The following HGD variants were observed in gnomAD, a reference collection of about 807,000 sequenced individuals.
The protein encoded by HGD is homogentisate oxidase.
A neutral mutation model predicts 60.8 loss-of-function variants in HGD; 61 were observed. The ratio of observed to expected loss-of-function variants is 1.00; its 90% CI spans 0.82 to 1.24. HGD has a LOEUF of 1.24. Ranked by LOEUF, HGD falls within the 50% of genes most tolerant of loss-of-function variation. HGD has a pLI of 0.00. For missense variants in HGD, 542 were observed against 547.1 expected (o/e 0.99, Z 0.09); for synonymous variants, 212 against 187.7 (o/e 1.13, Z -1.06).
chr3:120,670,925 G>T (rs1391705207), intron 3 of HGD, among the ~76,000 whole-genome samples: 2 of 152,200 alleles, frequency 1.3e-5, no homozygotes, highest in African/African-American at 4.8e-5. Flanking sequence ...GCTCTGGAAG[G>T]CAAGAACAAT....
intron 1 of HGD, among the ~76,000 whole-genome samples, chr3:120,676,887 G>A (rs377071199): frequency 3.2e-4 from 49 of 152,296 alleles, no homozygotes; most frequent in African/African-American, 1.1e-3. Context: ...GACTCCAAAC[G>A]GAGGGATCAG....
At chr3:120,646,452 C>T in intron 8 of HGD, 86 bp from the exon 9 acceptor site, 1 of 851,688 alleles carries the variant, frequency 1.2e-6, no homozygotes, top group Non-Finnish European at 2.0e-6. Flanking sequence ...GCCCATCCCA[C>T]ATGCAAAAGT....
intron 4 of HGD, among the ~76,000 whole-genome samples, chr3:120,653,397 A>G (rs1399547066): frequency 6.6e-6 from 1 of 152,202 alleles, no homozygotes; most frequent in Non-Finnish European, 1.5e-5. Flanking sequence ...TGATAAGCCC[A>G]GCTGCCACGT....
chr3:120,671,290 AATTTT>A (rs1335869040), intron 3 of HGD, among the ~76,000 whole-genome samples: 1 of 152,172 alleles, frequency 6.6e-6, no homozygotes, highest in Non-Finnish European at 1.5e-5. Context: ...TATTATTAAA[AATTTT>A]AGTGTTTTAG....
chr3:120,672,610 G>C (rs965931322), intron 3 of HGD, among the ~76,000 whole-genome samples: 12 of 152,126 alleles, frequency 7.9e-5, no homozygotes, highest in African/African-American at 2.7e-4. Context: ...CTCAGACCTT[G>C]GTCTTACTAA....
At chr3:120,655,166 G>T (rs1234109325) in intron 4 of HGD, among the ~76,000 whole-genome samples, 1 of 152,126 alleles carries the variant, frequency 6.6e-6, no homozygotes, top group Non-Finnish European at 1.5e-5. Flanking sequence ...TCAGAGAAGG[G>T]GTTTGTCTTC....
chr3:120,635,886 A>C (rs1266369159), intron 12 of HGD, among the ~76,000 whole-genome samples: 1 of 152,052 alleles, frequency 6.6e-6, no homozygotes, highest in East Asian at 1.9e-4. Flanking sequence ...TTATTCCTCC[A>C]CCTAGGGATG....
At chr3:120,676,807 A>G (rs1340105170) in intron 1 of HGD, among the ~76,000 whole-genome samples, 1 of 152,134 alleles carries the variant, frequency 6.6e-6, no homozygotes, top group East Asian at 1.9e-4. Context: ...GCTCCTTAAG[A>G]GATATAAGAA....
intron 4 of HGD, among the ~76,000 whole-genome samples, chr3:120,667,130 G>C (rs1337250338): frequency 6.6e-6 from 1 of 151,682 alleles, no homozygotes; most frequent in African/African-American, 2.4e-5. Context: ...TTCGAGACCA[G>C]CCTGAGCAAT....
intron 9 of HGD, chr3:120,644,674 A>T: frequency 7.0e-7 from 1 of 1,434,024 alleles, no homozygotes; most frequent in East Asian, 2.7e-5. Context: ...TTGTGGAGTG[A>T]CTATGGTTAA....
chr3:120,645,335 C>T (rs1306554970), intron 9 of HGD, among the ~76,000 whole-genome samples: 1 of 152,132 alleles, frequency 6.6e-6, no homozygotes, highest in Non-Finnish European at 1.5e-5. Flanking sequence ...ATTTGGATTC[C>T]TCAGAGGAGC....
chr3:120,649,359 G>C (rs1322155513), intron 6 of HGD, among the ~76,000 whole-genome samples: 4 of 151,660 alleles, frequency 2.6e-5, no homozygotes, highest in Non-Finnish European at 5.9e-5. Flanking sequence ...TGGCTAGGCT[G>C]GTCTCGAGCT....
Position 120,631,579 on chromosome 3 carries a change from C to G in HGD, c.1188+1568G>C, listed in dbSNP as rs374830848. ...ATCATTATGGCCATTGCTATTGTCT[C>G]TTTGCTGACTGCTTCTTAAAAGCCT... On this transcript the variant is annotated intron_variant, in intron 13 of 13. Coordinates refer to ENST00000283871, the MANE Select transcript of HGD (RefSeq NM_000187.4). Among the ~76,000 whole-genome samples the G allele has an allele frequency of 7.1e-4, 108 of 152,334 alleles. 1 individual carries two copies. In the South Asian group the frequency reaches 0.022, roughly 31 times the overall value.
At chr3:120,670,758 T>C (rs1708009057) in intron 3 of HGD, among the ~76,000 whole-genome samples, 1 of 152,220 alleles carries the variant, frequency 6.6e-6, no homozygotes, top group South Asian at 2.1e-4. Flanking sequence ...ATGCTTCAAA[T>C]GGACTCTGAC....
At chr3:120,643,478 C>T (rs1020757520) in intron 10 of HGD, among the ~76,000 whole-genome samples, 2 of 152,062 alleles carry the variant, frequency 1.3e-5, no homozygotes, top group Admixed American at 6.5e-5. Flanking sequence ...AAATAGCCCC[C>T]GAATTTTGAG....
chr3:120,633,496 C>G (rs1940657125), intron 12 of HGD, 168 bp from the exon 13 acceptor site: 1 of 1,523,680 alleles, frequency 6.6e-7, no homozygotes, highest in African/African-American at 1.4e-5. Flanking sequence ...ATAAAACATT[C>G]ATATTGGCAT....
chr3:120,640,372 T>C (rs146097113), intron 11 of HGD, among the ~76,000 whole-genome samples: 242 of 151,948 alleles, frequency 1.6e-3, no homozygotes, highest in South Asian at 3.6e-3. Flanking sequence ...CCCCAGTGCA[T>C]TGACAGAAGG....
intron 6 of HGD, among the ~76,000 whole-genome samples, chr3:120,649,910 A>G (rs1017463317): frequency 6.6e-6 from 1 of 152,216 alleles, no homozygotes; most frequent in African/African-American, 2.4e-5. Flanking sequence ...GCCTACATTC[A>G]GTACACCAAT....
At chr3:120,667,326 C>CAAAAAAAAAAA (rs71133514) in intron 4 of HGD, among the ~76,000 whole-genome samples, 1 of 60,074 alleles carries the variant, frequency 1.7e-5, no homozygotes, top group Non-Finnish European at 2.9e-5. Context: ...ACTCTTGTCT[C>CAAAAAAAAAAA]AAAAAAAAAA....
Sources: allele counts gnomAD v4.1 joint callset (sites outside exome capture counted in the v4.1 genomes callset), GRCh38; gene constraint gnomAD v4.1.1; transcripts MANE v1.5; gene names NCBI Gene and HGNC (gene_info 2026-07-23, HGNC 2026-07-21).